SPATA17: variants seen among roughly 807,000 people sequenced by gnomAD.
SPATA17 encodes spermatogenesis associated 17, also known as spermatogenesis-associated protein 17.
A neutral mutation model predicts 62.2 loss-of-function variants in SPATA17; 53 were observed. That is an observed-to-expected ratio of 0.85 (90% CI 0.68 to 1.07). SPATA17 has a LOEUF of 1.07. SPATA17 is among the 50% of genes least tolerant of loss of function. The probability of loss-of-function intolerance (pLI) is 0.00; values close to 1 mark genes in which losing one functional copy is unlikely to be tolerated. For synonymous variants in SPATA17, 146 were observed against 146.8 expected, an observed-to-expected ratio of 0.99 and a Z score of 0.04; for missense variants, 466 against 425.5, an observed-to-expected ratio of 1.10 and a Z score of -0.84.
At chr1:217,845,317 A>T (rs1368851504) in intron 9 of SPATA17, among the ~76,000 whole-genome samples, 1 of 152,076 alleles carries the variant, frequency 6.6e-6, no homozygotes, top group African/African-American at 2.4e-5. Flanking sequence ...CTATTTGCCA[A>T]CATAGAAGGC....
chr1:217,742,433 C>T (rs1672644887), intron 6 of SPATA17, among the ~76,000 whole-genome samples: 1 of 152,252 alleles, frequency 6.6e-6, no homozygotes, highest in South Asian at 2.1e-4. Context: ...CAAGAACTAA[C>T]AAGTTATTAG....
intron 5 of SPATA17, among the ~76,000 whole-genome samples, chr1:217,696,213 T>C (rs186415586): frequency 1.3e-4 from 19 of 151,712 alleles, no homozygotes; most frequent in Admixed American, 7.2e-4. Flanking sequence ...TTTTTTAAGC[T>C]GGTCTGAAAA....
chr1:217,715,669 C>CA (rs11320551), intron 5 of SPATA17, among the ~76,000 whole-genome samples: 6,560 of 126,712 alleles, frequency 0.052, 146 homozygotes, highest in Non-Finnish European at 0.056. Context: ...GCTTGTCATG[C>CA]AAAAAAAAAA....
intron 9 of SPATA17, among the ~76,000 whole-genome samples, chr1:217,821,070 T>A (rs1323660716): frequency 1.3e-5 from 2 of 152,082 alleles, no homozygotes; most frequent in African/African-American, 4.8e-5. Context: ...AGAGCAAGAA[T>A]TCATTCACTA....
Position 217,862,862 on chromosome 1 carries a change from A to T in SPATA17, c.*2+6A>T, listed in dbSNP as rs1329853042. 6.4e-7 allele frequency: 1 copy of T among 1,562,654 alleles called. No individual in the cohort carries two copies. The highest frequency in any genetic ancestry group is 1.4e-5 in the African/African-American group (1 of 73,602). On this transcript the variant is annotated splice_donor_region_variant and intron_variant, in intron 10 of 10. Coordinates refer to ENST00000366933, the MANE Select transcript of SPATA17 (RefSeq NM_138796.4). ...GCTGGACAGATTGTATAAAGGTATGACTTTTTGCTAAGAAGTAATTCAAAA... is the reference window on the plus strand; with the variant it reads ...GCTGGACAGATTGTATAAAGGTATGTCTTTTTGCTAAGAAGTAATTCAAAA...
rs888609342 is a variant in SPATA17 at position 217,744,404 on chromosome 1, A to G, written c.519+2306A>G. Among the ~76,000 whole-genome samples, 890 of 109,924 alleles carry G rather than the reference A, an allele frequency of 8.1e-3. 133 individuals are homozygous for G. The highest frequency in any genetic ancestry group is 0.026 in the African/African-American group (854 of 33,426). The allele number at this position is 109,924 out of a possible 152,430, so 72.1% of individuals were successfully genotyped here. A position where few individuals can be genotyped will look rare whatever the true frequency, so the allele number is the denominator to read the frequency against. On this transcript the variant is annotated intron_variant, in intron 6 of 10. Transcript: ENST00000366933. The stretch of plus-strand genomic sequence containing the variant: ...CGTGAACCCGGGAGGCGGAGCTTGC[A>G]GTGAGCCGAGATCCCGCCACTGCAC...
At chr1:217,722,885 A>C (rs1672171060) in intron 5 of SPATA17, among the ~76,000 whole-genome samples, 1 of 152,032 alleles carries the variant, frequency 6.6e-6, no homozygotes, top group African/African-American at 2.4e-5. Context: ...GATTATTGCC[A>C]ATGCCATACT....
intron 8 of SPATA17, among the ~76,000 whole-genome samples, chr1:217,782,973 T>A (rs987393275): frequency 6.6e-6 from 1 of 151,692 alleles, no homozygotes; most frequent in Non-Finnish European, 1.5e-5. Flanking sequence ...TTTATGATTG[T>A]CATTATTCTG....
At chr1:217,708,074 A>G (rs539937815) in intron 5 of SPATA17, among the ~76,000 whole-genome samples, 12 of 152,336 alleles carry the variant, frequency 7.9e-5, no homozygotes, top group African/African-American at 2.6e-4. Context: ...GGAGAATTTC[A>G]TAATGCTAAA....
At chr1:217,663,041 A>G (rs1166311496) in intron 3 of SPATA17, among the ~76,000 whole-genome samples, 2 of 152,220 alleles carry the variant, frequency 1.3e-5, no homozygotes, top group African/African-American at 4.8e-5. Flanking sequence ...TAATTATAAT[A>G]TAAGTTTAGA....
intron 4 of SPATA17, among the ~76,000 whole-genome samples, chr1:217,681,476 C>T (rs1671082945): frequency 2.0e-5 from 3 of 152,004 alleles, no homozygotes; most frequent in Admixed American, 6.5e-5. Context: ...CCGGTTCAAG[C>T]GATTCTTCTG....
At chr1:217,751,700 A>G (rs1051432128) in intron 6 of SPATA17, among the ~76,000 whole-genome samples, 21 of 152,236 alleles carry the variant, frequency 1.4e-4, no homozygotes, top group African/African-American at 5.1e-4. Context: ...TTGTGTTTTC[A>G]AATGAATTCC....
chr1:217,700,416 T>C (rs887650321), intron 5 of SPATA17, among the ~76,000 whole-genome samples: 8 of 152,166 alleles, frequency 5.3e-5, no homozygotes, highest in Non-Finnish European at 1.5e-5. Context: ...TTTGGAAGAT[T>C]TAAGCCTATT....
At chr1:217,764,040 C>T (rs1673240457) in intron 6 of SPATA17, among the ~76,000 whole-genome samples, 1 of 152,130 alleles carries the variant, frequency 6.6e-6, no homozygotes, top group South Asian at 2.1e-4. Context: ...CATCCAACAT[C>T]CAATAAATGG....
intron 5 of SPATA17, among the ~76,000 whole-genome samples, chr1:217,740,778 A>T (rs1672610727): frequency 6.6e-6 from 1 of 152,162 alleles, no homozygotes; most frequent in South Asian, 2.1e-4. Flanking sequence ...CTATTTTCTG[A>T]CTCCTTTTTT....
chr1:217,681,404 C>T (rs968702386), intron 4 of SPATA17, among the ~76,000 whole-genome samples: 4 of 151,808 alleles, frequency 2.6e-5, no homozygotes, highest in Admixed American at 6.6e-5. Context: ...GACCGAGTCT[C>T]GCTCTGTCGC....
chr1:217,712,689 T>C (rs1671905845), intron 5 of SPATA17, among the ~76,000 whole-genome samples: 1 of 152,182 alleles, frequency 6.6e-6, no homozygotes, highest in Non-Finnish European at 1.5e-5. Flanking sequence ...CTGATCATTT[T>C]TTCATAGCAT....
chr1:217,769,472 A>G (rs775162957), intron 6 of SPATA17, among the ~76,000 whole-genome samples: 4 of 152,250 alleles, frequency 2.6e-5, no homozygotes, highest in Non-Finnish European at 5.9e-5. Flanking sequence ...TAGAATAAGC[A>G]TATAAACAAC....
intron 5 of SPATA17, among the ~76,000 whole-genome samples, chr1:217,718,451 G>A (rs1672055412): frequency 6.6e-6 from 1 of 152,148 alleles, no homozygotes; most frequent in Non-Finnish European, 1.5e-5. Context: ...AGATTTGCAA[G>A]CACACTGCTA....
Sources: gnomAD v4.1 joint callset for allele counts (sites outside exome capture counted in the v4.1 genomes callset) on GRCh38, gnomAD v4.1.1 for gene constraint, MANE v1.5 for transcripts, NCBI Gene and HGNC (gene_info 2026-07-23, HGNC 2026-07-21) for gene names.